Variants in RAPGEF5 observed in about 807,000 individuals in gnomAD.
RAPGEF5 encodes the protein Rap guanine nucleotide exchange factor 5.
Under a neutral mutation model 125.2 loss-of-function variants are expected in RAPGEF5, and 65 were observed. The observed-to-expected ratio is 0.52, with a 90% confidence interval of 0.43 to 0.64. The LOEUF (loss-of-function observed/expected upper bound fraction) is 0.64. Among genes scored for constraint, RAPGEF5 ranks in the 30% least tolerant of loss-of-function variants. RAPGEF5 has a pLI of 0.00. For synonymous variants in RAPGEF5, 391 were observed against 385.9 expected (o/e 1.01, Z -0.16); for missense variants, 958 against 1,048.1 (o/e 0.91, Z 1.19).
intron 11 of RAPGEF5, among the ~76,000 whole-genome samples, chr7:22,180,043 G>A (rs189504791): frequency 6.6e-6 from 1 of 152,232 alleles, no homozygotes; most frequent in Non-Finnish European, 1.5e-5. Context: ...GGTTCGCCTT[G>A]AATTACTTCT....
Position 22,145,288 on chromosome 7 carries a change from C to T in RAPGEF5, c.2008-66G>A, listed in dbSNP as rs1783399494. The stretch of plus-strand genomic sequence containing the variant: ...AAGTATGGTTGATACAAAACTCGGT[C>T]AAATTTTAAGAGCTACTTCAGGTAG... On this transcript the variant is annotated intron_variant, in intron 19 of 25. Transcript: ENST00000665637. The T allele has an allele frequency of 2.7e-6, 4 of 1,468,026 alleles. No homozygotes were observed. In the East Asian group the frequency reaches 7.4e-5, roughly 27 times the overall value. 90.9% of individuals were successfully genotyped at this position (1,468,026 alleles called of 1,614,324 possible).
At chr7:22,346,934 G>T (rs1389272376) in intron 1 of RAPGEF5, among the ~76,000 whole-genome samples, 1 of 152,152 alleles carries the variant, frequency 6.6e-6, no homozygotes, top group Admixed American at 6.5e-5. Flanking sequence ...GGTAAGATCT[G>T]CCAACTCACT....
chr7:22,148,813 A>G (rs1323282661), intron 18 of RAPGEF5, among the ~76,000 whole-genome samples: 2 of 152,194 alleles, frequency 1.3e-5, no homozygotes, highest in Non-Finnish European at 2.9e-5. Flanking sequence ...GGAGGCATAG[A>G]GGATATTCAG....
intron 5 of RAPGEF5, among the ~76,000 whole-genome samples, chr7:22,291,792 A>G (rs996028241): frequency 2.1e-4 from 32 of 152,222 alleles, no homozygotes; most frequent in Non-Finnish European, 5.9e-5. Flanking sequence ...CCGCCCAACT[A>G]AGAAGCTAAG....
At chr7:22,301,781 C>A (rs1483900070) in intron 5 of RAPGEF5, among the ~76,000 whole-genome samples, 3 of 152,142 alleles carry the variant, frequency 2.0e-5, no homozygotes, top group Non-Finnish European at 4.4e-5. Flanking sequence ...ATATTCCACA[C>A]AGTAATTACA....
intron 10 of RAPGEF5, 56 bp from the exon 11 acceptor site, chr7:22,193,511 T>A (rs1162734555): frequency 6.4e-7 from 1 of 1,555,540 alleles, no homozygotes; most frequent in Non-Finnish European, 8.7e-7. Context: ...TGCGAGCGGC[T>A]GCTCCATTCA....
At chr7:22,291,077 G>C (rs1025026347) in intron 6 of RAPGEF5, 98 bp downstream of exon 6, 1 of 1,346,342 alleles carries the variant, frequency 7.4e-7, no homozygotes, top group Non-Finnish European at 9.8e-7. Flanking sequence ...CAGCCACAGG[G>C]AAAATGTCTC....
At chr7:22,226,955 G>A (rs1028802370) in intron 8 of RAPGEF5, among the ~76,000 whole-genome samples, 4 of 151,948 alleles carry the variant, frequency 2.6e-5, no homozygotes, top group African/African-American at 9.7e-5. Flanking sequence ...TTTCCCTCAA[G>A]TACTTTCTTA....
chr7:22,350,444 T>C (rs917216529), intron 1 of RAPGEF5, among the ~76,000 whole-genome samples: 5 of 152,260 alleles, frequency 3.3e-5, no homozygotes, highest in East Asian at 1.9e-4. Context: ...TCCTTTTGCA[T>C]AGAGTAAGCA....
chr7:22,162,639 T>G (rs1784042994), intron 12 of RAPGEF5, 98 bp from the exon 13 acceptor site: 2 of 1,156,380 alleles, frequency 1.7e-6, no homozygotes, highest in Non-Finnish European at 2.5e-6. Context: ...GGCATACAAG[T>G]GTATAAACAT....
chr7:22,279,365 T>C (rs570975672), intron 6 of RAPGEF5, among the ~76,000 whole-genome samples: 7 of 152,234 alleles, frequency 4.6e-5, no homozygotes, highest in Non-Finnish European at 7.3e-5. Context: ...AAAATGGTGC[T>C]TTAATTTTTC....
chr7:22,342,736 A>G (rs998160967), intron 1 of RAPGEF5, among the ~76,000 whole-genome samples: 2 of 152,226 alleles, frequency 1.3e-5, no homozygotes, highest in African/African-American at 4.8e-5. Context: ...TTGCTAAAAC[A>G]TAACAAGAGT....
At chr7:22,158,931 C>T (rs557735770) in intron 14 of RAPGEF5, among the ~76,000 whole-genome samples, 1 of 152,254 alleles carries the variant, frequency 6.6e-6, no homozygotes, top group East Asian at 1.9e-4. Context: ...ACTGTGCCTG[C>T]CAAGAATCAT....
chr7:22,123,210 G>A (rs932632506), intron 25 of RAPGEF5, among the ~76,000 whole-genome samples: 1 of 152,164 alleles, frequency 6.6e-6, no homozygotes, highest in Non-Finnish European at 1.5e-5. Flanking sequence ...GGGCAGTCAA[G>A]GAATCGAGGG....
At chr7:22,351,094 C>T (rs917449553) in intron 1 of RAPGEF5, among the ~76,000 whole-genome samples, 2 of 152,110 alleles carry the variant, frequency 1.3e-5, no homozygotes, top group African/African-American at 4.8e-5. Context: ...GTGAGCATGG[C>T]TGATTTTGCT....
chr7:22,340,505 C>A (rs1197891798), intron 1 of RAPGEF5, among the ~76,000 whole-genome samples: 1 of 152,190 alleles, frequency 6.6e-6, no homozygotes, highest in Non-Finnish European at 1.5e-5. Flanking sequence ...CCTTTCCCAG[C>A]TAGGGGGACA....
intron 1 of RAPGEF5, among the ~76,000 whole-genome samples, chr7:22,334,091 G>A (rs1380151632): frequency 1.4e-5 from 2 of 147,382 alleles, no homozygotes; most frequent in East Asian, 2.1e-4. Flanking sequence ...TGCCTACAGC[G>A]CCCCGAGTGT....
chr7:22,251,775 C>CAAAAAAAAAAAAA (rs58681076), intron 7 of RAPGEF5, among the ~76,000 whole-genome samples: 5 of 73,346 alleles, frequency 6.8e-5, no homozygotes, highest in African/African-American at 2.1e-4. Flanking sequence ...GTTTCATTGA[C>CAAAAAAAAAAAAA]AAAAAAAAAA....
At chr7:22,338,898 G>T (rs74202434) in intron 1 of RAPGEF5, among the ~76,000 whole-genome samples, 33,871 of 152,054 alleles carry the variant, frequency 0.22, 4,091 homozygotes, top group South Asian at 0.28. Flanking sequence ...AGGATCAGGC[G>T]TTTGTTAACT....
Sources: allele counts gnomAD v4.1 joint callset (sites outside exome capture counted in the v4.1 genomes callset), GRCh38; gene constraint gnomAD v4.1.1; transcripts MANE v1.5; gene names NCBI Gene and HGNC (gene_info 2026-07-23, HGNC 2026-07-21).